Variants in NAA16 observed in about 807,000 individuals in gnomAD.
The protein encoded by NAA16 is N-alpha-acetyltransferase 16, NatA auxiliary subunit.
Under a neutral mutation model 110.3 loss-of-function variants are expected in NAA16, and 97 were observed. The observed-to-expected ratio is 0.88, with a 90% CI of 0.75 to 1.04. NAA16 has a LOEUF of 1.04. Ranked by LOEUF, NAA16 falls within the 50% of genes least tolerant of loss-of-function variation. The pLI is 0.00. For missense variants in NAA16, 1,017 were observed against 1,005.1 expected (o/e 1.01, Z -0.16); for synonymous variants, 372 against 330.6 (o/e 1.13, Z -1.36).
intron 1 of NAA16, among the ~76,000 whole-genome samples, chr13:41,312,549 T>A (rs1488430571): frequency 1.3e-5 from 2 of 152,182 alleles, no homozygotes. Flanking sequence ...TAGTTTATCT[T>A]TTCACCTGAA....
At chr13:41,325,623 A>T in intron 5 of NAA16, 75 bp from the exon 6 acceptor site, 1 of 904,894 alleles carries the variant, frequency 1.1e-6, no homozygotes, top group Admixed American at 3.4e-5. Context: ...CTCTCCTGAG[A>T]AGGCAGTTTA....
intron 13 of NAA16, among the ~76,000 whole-genome samples, chr13:41,363,919 T>C (rs540467996): frequency 3.3e-5 from 5 of 152,274 alleles, no homozygotes; most frequent in East Asian, 1.9e-4. Context: ...GACAACTCTT[T>C]TATAGTTATT....
chr13:41,367,660 A>T lies in NAA16; in HGVS notation c.1753+8A>T, dbSNP rs765420004. 6.4e-7 allele frequency: 1 copy of T among 1,572,572 alleles called. No homozygotes were observed. The highest frequency in any genetic ancestry group is 1.1e-5 in the South Asian group (1 of 87,374). The stretch of plus-strand genomic sequence containing the variant: ...AACAAGAAATAAACTCAGGTAACTG[A>T]ATAGGAACTTAAAAGATTTTAAAAG... On this transcript the variant is annotated splice_region_variant and intron_variant, in intron 14 of 19. Transcript: ENST00000379406.
chr13:41,363,350 A>G (rs2043150002), intron 13 of NAA16, among the ~76,000 whole-genome samples: 1 of 152,194 alleles, frequency 6.6e-6, no homozygotes, highest in Non-Finnish European at 1.5e-5. Flanking sequence ...AGAGGCTGCT[A>G]GGCACTTACG....
chr13:41,320,640 T>C, intron 3 of NAA16, 27 bp from the exon 4 acceptor site: 2 of 1,566,820 alleles, frequency 1.3e-6, no homozygotes. Flanking sequence ...AGTGTCTGTG[T>C]ATGTCTTTGT....
intron 5 of NAA16, among the ~76,000 whole-genome samples, 164 bp downstream of exon 5, chr13:41,323,354 T>TC (rs1370298243): frequency 2.4e-5 from 3 of 123,234 alleles, no homozygotes; most frequent in Admixed American, 7.8e-5. Flanking sequence ...TTTCTCTCTC[T>TC]TTTTTTTTTT....
intron 4 of NAA16, among the ~76,000 whole-genome samples, chr13:41,321,634 G>A (rs908429489): frequency 7.2e-5 from 11 of 152,152 alleles, no homozygotes; most frequent in Non-Finnish European, 1.5e-4. Flanking sequence ...TTTTAAAAAC[G>A]TGAGAAGGGT....
chr13:41,346,236 T>C (rs2042678039), intron 9 of NAA16, among the ~76,000 whole-genome samples: 1 of 152,250 alleles, frequency 6.6e-6, no homozygotes, highest in African/African-American at 2.4e-5. Flanking sequence ...TTGAAGAGAC[T>C]CTTCTTTCCC....
chr13:41,346,724 A>G lies in NAA16; in HGVS notation c.1015-8420A>G, dbSNP rs191116663. On this transcript the variant is annotated intron_variant, in intron 9 of 19. Coordinates refer to ENST00000379406, the MANE Select transcript of NAA16 (RefSeq NM_024561.5). ...GAGGAGATATGGCTCTGGATTTTGA[A>G]TAGCTTGCATATTAAAGACATACTC... 1.1e-4 allele frequency among the ~76,000 whole-genome samples: 17 copies of G among 152,198 alleles called. No homozygotes were observed. The East Asian group carries it at 3.3e-3, about 29-fold the overall frequency.
chr13:41,329,397 A>G (rs569013062), intron 7 of NAA16, among the ~76,000 whole-genome samples: 2 of 152,032 alleles, frequency 1.3e-5, no homozygotes, highest in East Asian at 3.9e-4. Context: ...ATATTTTCAT[A>G]ATTAAGTGTT....
chr13:41,375,216 C>G (rs983325376), intron 19 of NAA16, among the ~76,000 whole-genome samples, 189 bp from the exon 20 acceptor site: 1 of 152,150 alleles, frequency 6.6e-6, no homozygotes, highest in African/African-American at 2.4e-5. Context: ...TAGAATTTTA[C>G]TGCCTTTTTC....
intron 8 of NAA16, among the ~76,000 whole-genome samples, chr13:41,335,468 C>T (rs546377921): frequency 5.9e-5 from 9 of 152,184 alleles, no homozygotes; most frequent in South Asian, 4.2e-4. Context: ...TTGTTAATTT[C>T]GTTGTATACC....
chr13:41,318,192 T>C (rs2041856005), intron 2 of NAA16, among the ~76,000 whole-genome samples: 2 of 151,378 alleles, frequency 1.3e-5, no homozygotes, highest in Non-Finnish European at 2.9e-5. Flanking sequence ...TTAAGACTCA[T>C]GTCTGCTTTG....
intron 8 of NAA16, among the ~76,000 whole-genome samples, chr13:41,333,374 C>G (rs976109189): frequency 2.0e-5 from 3 of 152,082 alleles, no homozygotes; most frequent in African/African-American, 7.2e-5. Flanking sequence ...TGTCTGCTTT[C>G]AGAAATTTTT....
chr13:41,373,940 GGGATGGA>G, intron 18 of NAA16, 160 bp downstream of exon 18: 1 of 1,189,378 alleles, frequency 8.4e-7, no homozygotes, highest in Non-Finnish European at 1.1e-6. Context: ...AGGGGAAACA[GGGATGGA>G]TTCACAGGAT....
chr13:41,342,032 C>T (rs1265456944), intron 9 of NAA16, among the ~76,000 whole-genome samples: 2 of 150,302 alleles, frequency 1.3e-5, no homozygotes, highest in Non-Finnish European at 3.0e-5. Context: ...CGGGGTTTCA[C>T]TGTGTTCGCC....
intron 8 of NAA16, among the ~76,000 whole-genome samples, chr13:41,333,093 A>G (rs1229080815): frequency 2.0e-5 from 3 of 152,124 alleles, no homozygotes. Flanking sequence ...AGACACAGCT[A>G]TCAGGTTTCT....
rs777829465 is a variant in NAA16 at position 41,326,974 on chromosome 13, T to A, written c.691+1123T>A. Among the ~76,000 whole-genome samples, 31 of 152,184 alleles carry A rather than the reference T, an allele frequency of 2.0e-4. 1 individual carries two copies. Among genetic ancestry groups the A allele is most frequent in the Non-Finnish European group, 2.9e-4 (20 of 68,014 alleles). On this transcript the variant is annotated intron_variant, in intron 6 of 19. Coordinates refer to ENST00000379406, the MANE Select transcript of NAA16 (RefSeq NM_024561.5). The stretch of plus-strand genomic sequence containing the variant: ...GGCAACCACTGATCTTTTTACCCTC[T>A]ACATAGTTTTGCCATTTCCAAAATA...
rs762040265 is a variant in NAA16 at position 41,358,432 on chromosome 13, A to G, written c.1216A>G (p.Thr406Ala). ...TAATGCTGCAATTGCTAGTACTCCA[A>G]CTCTAATAGAATTATTCTATATGAA... The part of the protein sequence containing the change: ...YINAAIASTP[T>A]LIELFYMKAK... The change falls in exon 11 of 20, where the codon ACT (threonine) becomes GCT (alanine). Residue 406 changes from threonine to alanine, a missense_variant. Transcript: ENST00000379406. The G allele has an allele frequency of 1.2e-5, 20 of 1,613,130 alleles. No homozygotes were observed. The highest frequency in any genetic ancestry group is 1.7e-5 in the Non-Finnish European group (20 of 1,179,280).
Sources: gnomAD v4.1 joint callset for allele counts (sites outside exome capture counted in the v4.1 genomes callset) on GRCh38, gnomAD v4.1.1 for gene constraint, MANE v1.5 for transcripts, NCBI Gene and HGNC (gene_info 2026-07-23, HGNC 2026-07-21) for gene names.